TMEM245: variants seen among roughly 807,000 people sequenced by gnomAD.
TMEM245 encodes transmembrane protein 245, also known as protein CG-2.
In TMEM245, 69 loss-of-function variants were observed where a neutral mutation model predicts 101.2. The observed-to-expected ratio is 0.68, with a 90% confidence interval of 0.56 to 0.83. TMEM245 has a LOEUF of 0.83. Ranked by LOEUF, TMEM245 falls within the 40% of genes least tolerant of loss-of-function variation. TMEM245 has a pLI of 0.00. For synonymous variants in TMEM245, 537 were observed against 449.8 expected (o/e 1.19, Z -2.45); for missense variants, 1,075 against 1,092.8 (o/e 0.98, Z 0.23).
Position 109,093,574 on chromosome 9 carries a change from G to T in TMEM245, c.817C>A (p.Gln273Lys). Residue 273 changes from glutamine to lysine, a missense_variant, in exon 4 of 18, where the codon CAG becomes AAG. Coordinates refer to ENST00000374586, the MANE Select transcript of TMEM245 (RefSeq NM_032012.4). The stretch of plus-strand genomic sequence containing the variant: ...GTAGAAGCTGCCATGGAGATAACCT[G>T]CCCTGGTAACTCTGCCCCTGTAAAA... ...KESSGAELPG[Q>K]VISMAASTLA... 6.2e-7 allele frequency: 1 copy of T among 1,613,994 alleles called. No individual in the cohort carries two copies.
chr9:109,085,887 T>G, intron 7 of TMEM245, 110 bp downstream of exon 7: 2 of 1,241,002 alleles, frequency 1.6e-6, no homozygotes, highest in South Asian at 1.3e-5. Flanking sequence ...ATTAAAACTT[T>G]GAAAACAAAA....
Position 109,076,099 on chromosome 9 carries a change from G to T in TMEM245, c.1450-2661C>A, listed in dbSNP as rs963849520. On this transcript the variant is annotated intron_variant, in intron 8 of 17. Coordinates refer to ENST00000374586, the MANE Select transcript of TMEM245 (RefSeq NM_032012.4). ...GAAATTTATTCGATTCACAGGTTTAGAAGTATGTTGCTTAAAAGACTTAGA... is the reference window on the plus strand; with the variant it reads ...GAAATTTATTCGATTCACAGGTTTATAAGTATGTTGCTTAAAAGACTTAGA... Among the ~76,000 whole-genome samples, 8 of 152,228 alleles carry T rather than the reference G, an allele frequency of 5.3e-5. No homozygotes were observed. The South Asian group carries it at 8.3e-4, about 16-fold the overall frequency.
At chr9:109,087,744 T>C (rs1829883455) in intron 5 of TMEM245, among the ~76,000 whole-genome samples, 1 of 152,234 alleles carries the variant, frequency 6.6e-6, no homozygotes, top group Non-Finnish European at 1.5e-5. Flanking sequence ...ATAGCTGTTC[T>C]TGTCAAATAT....
intron 9 of TMEM245, among the ~76,000 whole-genome samples, chr9:109,069,961 A>T (rs1829281171): frequency 6.6e-6 from 1 of 152,216 alleles, no homozygotes; most frequent in South Asian, 2.1e-4. Context: ...TTTCTGCAGC[A>T]ATTTGACATT....
intron 17 of TMEM245, among the ~76,000 whole-genome samples, chr9:109,030,372 C>T (rs1827910717): frequency 1.3e-5 from 2 of 152,202 alleles, no homozygotes; most frequent in Admixed American, 6.5e-5. Context: ...TGCCACGCCA[C>T]ATAAGCATTT....
chr9:109,073,549 CAT>C, intron 8 of TMEM245, 111 bp from the exon 9 acceptor site: 1 of 751,762 alleles, frequency 1.3e-6, no homozygotes, highest in Admixed American at 2.5e-5. Flanking sequence ...AATAAATACA[CAT>C]CTTTGCTTTA....
chr9:109,031,567 T>G (rs1463354467), intron 17 of TMEM245, among the ~76,000 whole-genome samples: 1 of 152,106 alleles, frequency 6.6e-6, no homozygotes, highest in Non-Finnish European at 1.5e-5. Flanking sequence ...CAGGCAAAAC[T>G]AATGAAAAGT....
At chr9:109,107,555 G>A (rs1230163969) in intron 2 of TMEM245, among the ~76,000 whole-genome samples, 5 of 151,942 alleles carry the variant, frequency 3.3e-5, no homozygotes, top group African/African-American at 9.7e-5. Context: ...TCTGACATAC[G>A]GGTTCTTGCA....
chr9:109,037,545 T>C (rs192116493), intron 15 of TMEM245, among the ~76,000 whole-genome samples: 1 of 152,268 alleles, frequency 6.6e-6, no homozygotes, highest in Admixed American at 6.5e-5. Context: ...GAATGAGTTA[T>C]CGTGAGATCT....
chr9:109,097,087 G>A (rs1278759709), intron 3 of TMEM245, among the ~76,000 whole-genome samples: 1 of 152,186 alleles, frequency 6.6e-6, no homozygotes, highest in African/African-American at 2.4e-5. Context: ...GGGAGGTCTG[G>A]GAAGGGTTTC....
intron 9 of TMEM245, among the ~76,000 whole-genome samples, chr9:109,071,664 T>C (rs565097465): frequency 6.8e-4 from 103 of 152,046 alleles, no homozygotes; most frequent in South Asian, 2.1e-3. Flanking sequence ...GCAGGTTTTA[T>C]ATAAAAGAAT....
chr9:109,067,405 A>C (rs958500413), intron 9 of TMEM245, among the ~76,000 whole-genome samples: 1 of 152,134 alleles, frequency 6.6e-6, no homozygotes, highest in African/African-American at 2.4e-5. Context: ...TACTCACTCA[A>C]GAGGGATCCC....
intron 17 of TMEM245, among the ~76,000 whole-genome samples, chr9:109,023,102 A>G (rs1488662214): frequency 2.0e-5 from 3 of 152,196 alleles, no homozygotes; most frequent in African/African-American, 7.2e-5. Context: ...GACTCAGGAA[A>G]ACAAACAAAC....
chr9:109,069,247 C>T (rs546480706), intron 9 of TMEM245, among the ~76,000 whole-genome samples: 6 of 152,188 alleles, frequency 3.9e-5, no homozygotes, highest in East Asian at 3.9e-4. Flanking sequence ...TATTCAAAAC[C>T]GGTACAAAAG....
At chr9:109,111,383 T>C (rs961135402) in intron 1 of TMEM245, among the ~76,000 whole-genome samples, 7 of 152,178 alleles carry the variant, frequency 4.6e-5, no homozygotes, top group African/African-American at 1.7e-4. Flanking sequence ...ATACAGTACC[T>C]CCAAGAAGTT....
Position 109,079,138 on chromosome 9 carries a change from T to C in TMEM245, c.1449+1701A>G, listed in dbSNP as rs1167378677. ...TACCAGCTACAGTAGCAGCTTTTCA[T>C]CAACGAAAGATCTCCTAGTTGCCTA... On this transcript the variant is annotated intron_variant, in intron 8 of 17. Coordinates refer to ENST00000374586, the MANE Select transcript of TMEM245 (RefSeq NM_032012.4). 3.9e-5 allele frequency among the ~76,000 whole-genome samples: 6 copies of C among 152,184 alleles called. No homozygotes were observed. The East Asian group carries it at 1.2e-3, about 29-fold the overall frequency.
chr9:109,022,984 T>A (rs931645202), intron 17 of TMEM245, among the ~76,000 whole-genome samples: 29 of 152,246 alleles, frequency 1.9e-4, no homozygotes, highest in African/African-American at 7.0e-4. Flanking sequence ...AGATTAAGGC[T>A]ATGGTTAGCC....
chr9:109,118,713 G>A (rs987657929), intron 1 of TMEM245, among the ~76,000 whole-genome samples: 8 of 152,228 alleles, frequency 5.3e-5, no homozygotes, highest in Non-Finnish European at 1.2e-4. Flanking sequence ...AAAGCGTGGA[G>A]AGGAAGAAGC....
At chr9:109,074,273 A>G (rs1829427228) in intron 8 of TMEM245, among the ~76,000 whole-genome samples, 2 of 152,162 alleles carry the variant, frequency 1.3e-5, no homozygotes, top group Admixed American at 1.3e-4. Context: ...AATCAGTTGA[A>G]AAAAAATTTT....
Sources: allele counts gnomAD v4.1 joint callset (sites outside exome capture counted in the v4.1 genomes callset), GRCh38; gene constraint gnomAD v4.1.1; transcripts MANE v1.5; gene names NCBI Gene and HGNC (gene_info 2026-07-23, HGNC 2026-07-21).